ADPRH: variants seen among roughly 807,000 people sequenced by gnomAD.
The protein encoded by ADPRH is ADP-ribose-L-arginine cleaving enzyme.
A neutral mutation model predicts 28.8 loss-of-function variants in ADPRH; 27 were observed. The observed-to-expected ratio is 0.94, with a 90% confidence interval of 0.69 to 1.29. The LOEUF (loss-of-function observed/expected upper bound fraction) is 1.29. Among genes scored for constraint, ADPRH ranks in the 50% most tolerant of loss-of-function variants. ADPRH has a pLI of 0.00. For missense variants in ADPRH, 419 were observed against 444.8 expected, an observed-to-expected ratio of 0.94 and a Z score of 0.52; for synonymous variants, 161 against 166.9, an observed-to-expected ratio of 0.96 and a Z score of 0.27.
At position 119,587,502 on chromosome 3, in the gene ADPRH, T is replaced by A; in HGVS notation, c.698T>A (p.Leu233His). 1 of 1,581,836 alleles carries A rather than the reference T, an allele frequency of 6.3e-7. No individual in the cohort carries two copies. Residue 233 changes from leucine (L) to histidine (H), a missense_variant, in exon 5 of 5, where the codon CTT (leucine) becomes CAT (histidine). Transcript: ENST00000357003. ...FQTKWENYLK[L>H]RGILDGESAP... ...ACCAAATGGGAAAATTACCTAAAAC[T>A]TAGAGGGATTTTGGATGGAGAATCA... is the stretch of plus-strand genomic sequence containing the variant.
chr3:119,586,697 A>T (rs752900150), intron 4 of ADPRH, 52 bp downstream of exon 4: 1 of 1,594,348 alleles, frequency 6.3e-7, no homozygotes, highest in Non-Finnish European at 8.5e-7. Context: ...CTGTGCGTGT[A>T]CATCCACCTG....
chr3:119,587,520 G>A lies in ADPRH; in HGVS notation c.716G>A (p.Gly239Glu), dbSNP rs1398824360. The change falls in exon 5 of 5, where the codon GGA (glycine) becomes GAA (glutamate). Residue 239 changes from glycine (G) to glutamate (E), a missense_variant. By Grantham distance (98) the Gly-to-Glu change is moderately conservative. Coordinates refer to ENST00000357003, the MANE Select transcript of ADPRH (RefSeq NM_001125.4). Reference sequence around the variant, plus strand: ...CTAAAACTTAGAGGGATTTTGGATGGAGAATCAGCCCCTACCTTCCCTGAG... The same window carrying A: ...CTAAAACTTAGAGGGATTTTGGATGAAGAATCAGCCCCTACCTTCCCTGAG... ...NYLKLRGILD[G>E]ESAPTFPESF... 6.3e-7 allele frequency: 1 copy of A among 1,593,160 alleles called. No individual in the cohort carries two copies. The highest frequency in any genetic ancestry group is 1.7e-5 in the Admixed American group (1 of 57,502).
At chr3:119,584,067 C>CT (rs760472109) in intron 3 of ADPRH, among the ~76,000 whole-genome samples, 7 of 151,428 alleles carry the variant, frequency 4.6e-5, no homozygotes, top group Non-Finnish European at 1.0e-4. Flanking sequence ...CATGAGCCAC[C>CT]ATGCCTGGCC....
In ADPRH at chr3:119,582,459, G is replaced by T. The variant is rs756802683; in HGVS notation, c.290G>T (p.Arg97Leu). Reference sequence around the variant, plus strand: ...GACTGCATGGAAGACATGGATGGGCGGGCACCAGGTGAGCACAGCCGGTGG... The same window carrying T: ...GACTGCATGGAAGACATGGATGGGCTGGCACCAGGTGAGCACAGCCGGTGG... ...YQDCMEDMDG[R>L]APGGASVHNA... The change falls in exon 3 of 5, where the codon CGG becomes CTG. Residue 97 changes from arginine to leucine, a missense_variant. Coordinates refer to ENST00000357003, the MANE Select transcript of ADPRH (RefSeq NM_001125.4). 6.2e-7 allele frequency: 1 copy of T among 1,612,184 alleles called. No individual in the cohort carries two copies. The highest frequency in any genetic ancestry group is 8.5e-7 in the Non-Finnish European group (1 of 1,178,612).
chr3:119,582,102 C>A, intron 2 of ADPRH, 32 bp from the exon 3 acceptor site: 75 of 793,492 alleles, frequency 9.5e-5, no homozygotes, highest in East Asian at 1.2e-4. Context: ...TGCTCCTCAT[C>A]CTATTTCCTT....
At chr3:119,581,566 C>T (rs13326838) in intron 2 of ADPRH, among the ~76,000 whole-genome samples, 400 of 152,206 alleles carry the variant, frequency 2.6e-3, no homozygotes, top group African/African-American at 9.3e-3. Context: ...CCAGTACTTC[C>T]ACTCCTCTTG....
At chr3:119,583,033 G>A (rs59807949) in intron 3 of ADPRH, among the ~76,000 whole-genome samples, 35,990 of 152,070 alleles carry the variant, frequency 0.24, 4,878 homozygotes, top group African/African-American at 0.35. Context: ...GGTCGCTGGT[G>A]CCAAAAAGGC....
At chr3:119,584,726 A>G (rs905921017) in intron 3 of ADPRH, among the ~76,000 whole-genome samples, 2 of 152,230 alleles carry the variant, frequency 1.3e-5, no homozygotes, top group Non-Finnish European at 2.9e-5. Context: ...TAGGGCTGCC[A>G]TAACAAAATG....
At position 119,582,378 on chromosome 3, in the gene ADPRH, C is replaced by G. The variant is rs201028402; in HGVS notation, c.209C>G (p.Ala70Gly). Reference protein sequence around the residue: ...HLATAEALVEAGKAPKLTQLY... With the variant: ...HLATAEALVEGGKAPKLTQLY... The stretch of plus-strand genomic sequence containing the variant: ...GCCACAGCAGAAGCTCTTGTGGAAG[C>G]TGGGAAAGCCCCTAAGTTGACTCAA... Residue 70 changes from alanine (A) to glycine (G), a missense_variant, in exon 3 of 5, where the codon GCT becomes GGT. By Grantham distance (60) the Ala-to-Gly change is moderately conservative. Transcript: ENST00000357003. 1.9e-5 allele frequency: 30 copies of G among 1,614,182 alleles called. No homozygotes were observed. In the Admixed American group the frequency reaches 5.0e-4, roughly 27 times the overall value.
At position 119,587,896 on chromosome 3, in the gene ADPRH, T is replaced by C; in HGVS notation, c.*18T>C. The stretch of plus-strand genomic sequence containing the variant: ...CCCTTTAGGGAGACGTGATGTTCAC[T>C]TCTGATGGATTCTTCTTTTGTGTAT... On this transcript the variant is annotated 3_prime_UTR_variant, in exon 5 of 5. Coordinates refer to ENST00000357003, the MANE Select transcript of ADPRH (RefSeq NM_001125.4). 1 of 1,541,758 alleles carries C rather than the reference T, an allele frequency of 6.5e-7. No individual in the cohort carries two copies. The highest frequency in any genetic ancestry group is 8.7e-7 in the Non-Finnish European group (1 of 1,147,382).
intron 1 of ADPRH, 157 bp from the exon 2 acceptor site, chr3:119,580,394 A>G (rs1462368227): frequency 1.3e-5 from 2 of 152,260 alleles, no homozygotes; most frequent in Non-Finnish European, 2.9e-5. Context: ...GGTGTCTGTC[A>G]GGTCTAGTAG....
chr3:119,581,123 A>G (rs1343219400), intron 2 of ADPRH, among the ~76,000 whole-genome samples: 6 of 140,694 alleles, frequency 4.3e-5, no homozygotes, highest in Admixed American at 1.5e-4. Flanking sequence ...GCTGGAGTGC[A>G]GTGGCACAAT....
At chr3:119,583,655 T>C (rs2082427925) in intron 3 of ADPRH, among the ~76,000 whole-genome samples, 1 of 152,170 alleles carries the variant, frequency 6.6e-6, no homozygotes, top group African/African-American at 2.4e-5. Context: ...CTTACACCTG[T>C]AATCCCAACA....
intron 3 of ADPRH, among the ~76,000 whole-genome samples, chr3:119,583,987 A>G (rs1270718033): frequency 6.6e-6 from 1 of 151,876 alleles, no homozygotes; most frequent in East Asian, 1.9e-4. Context: ...CATGTTGGCC[A>G]GGCTGGTTTC....
In ADPRH at chr3:119,579,868, C is replaced by T. The variant is rs1294410133; in HGVS notation, c.-123+17C>T. 6.6e-6 allele frequency: 1 copy of T among 152,394 alleles called. No homozygotes were observed. The highest frequency in any genetic ancestry group is 1.5e-5 in the Non-Finnish European group (1 of 68,152). The allele number at this position is 152,394 out of a possible 1,614,324, so 9.4% of individuals were successfully genotyped here. A position where few individuals can be genotyped will look rare whatever the true frequency, so the allele number is the denominator to read the frequency against. On this transcript the variant is annotated intron_variant, in intron 1 of 4. Coordinates refer to ENST00000357003, the MANE Select transcript of ADPRH (RefSeq NM_001125.4). ...CTACAGCAGGTATCGCGATCCCGGC[C>T]CTCGGCCCCGCGCTCCCCTCCCCCG...
At chr3:119,583,233 A>T (rs940866983) in intron 3 of ADPRH, among the ~76,000 whole-genome samples, 29 of 152,198 alleles carry the variant, frequency 1.9e-4, no homozygotes, top group South Asian at 2.1e-4. Flanking sequence ...TGACTCTAAA[A>T]AATAAAGAAA....
intron 4 of ADPRH, 87 bp from the exon 5 acceptor site, chr3:119,587,376 TC>T: frequency 1.8e-6 from 2 of 1,097,172 alleles, no homozygotes; most frequent in Non-Finnish European, 2.5e-6. Context: ...GTTGGATTTT[TC>T]TCTGTTCACA....
In ADPRH at chr3:119,586,295, G is replaced by A. The variant is rs142760415; in HGVS notation, c.309G>A (p.Ser103=). 2.3e-4 allele frequency: 376 copies of A among 1,613,100 alleles called. 5 individuals are homozygous for A. The African/African-American group carries it at 3.4e-3, about 15-fold the overall frequency. ...DMDGRAPGGA[S]VHNAMQLKPG... is the part of the protein sequence containing the mutation. ...CCGACTCTTCCCCAGGTGGTGCCTC[G>A]GTGCACAACGCCATGCAGCTGAAGC... The change falls in exon 4 of 5, where the codon TCG becomes TCA. Residue 103 remains serine, a synonymous_variant. Coordinates refer to ENST00000357003, the MANE Select transcript of ADPRH (RefSeq NM_001125.4).
In ADPRH at chr3:119,587,712, G is replaced by C; in HGVS notation, c.908G>C (p.Ser303Thr). The change falls in exon 5 of 5, where the codon AGT becomes ACT. Residue 303 changes from serine (S) to threonine (T), a missense_variant. Ser to Thr is a moderately conservative substitution (Grantham distance 58). Coordinates refer to ENST00000357003, the MANE Select transcript of ADPRH (RefSeq NM_001125.4). Reference sequence around the variant, plus strand: ...CGAGCCTTTTTCCATGGTGGAGACAGTGATTCTACAGCTGCCATTGCTGGC... The same window carrying C: ...CGAGCCTTTTTCCATGGTGGAGACACTGATTCTACAGCTGCCATTGCTGGC... The part of the protein sequence containing the change: ...AHRAFFHGGD[S>T]DSTAAIAGCW... 6.2e-7 allele frequency: 1 copy of C among 1,614,220 alleles called. No homozygotes were observed. The highest frequency in any genetic ancestry group is 8.5e-7 in the Non-Finnish European group (1 of 1,180,038).
Sources: allele counts gnomAD v4.1 joint callset (sites outside exome capture counted in the v4.1 genomes callset), GRCh38; gene constraint gnomAD v4.1.1; transcripts MANE v1.5; gene names NCBI Gene and HGNC (gene_info 2026-07-23, HGNC 2026-07-21).